Variants in NEGR1 observed in about 807,000 individuals in gnomAD.
NEGR1 encodes the protein neuronal growth regulator 1, also known as IgLON family member 4.
NEGR1 carries 10 observed loss-of-function variants against 40.9 expected under a neutral mutation model. The ratio of observed to expected loss-of-function variants is 0.24; its 90% CI spans 0.15 to 0.42. The LOEUF is 0.42. Ranked by LOEUF, NEGR1 falls within the 10% of genes least tolerant of loss-of-function variation. The pLI, the probability that NEGR1 is intolerant of heterozygous loss-of-function variation, is 1.00. For missense variants in NEGR1, 352 were observed against 438.9 expected (o/e 0.80, Z 1.77); for synonymous variants, 185 against 166.8 (o/e 1.11, Z -0.84).
intron 6 of NEGR1, among the ~76,000 whole-genome samples, chr1:71,473,564 C>A (rs1646797330): frequency 6.6e-6 from 1 of 151,972 alleles, no homozygotes; most frequent in Non-Finnish European, 1.5e-5. Flanking sequence ...TATAACCATG[C>A]CAAAGACCTT....
At chr1:72,042,416 C>T (rs1646964470) in intron 1 of NEGR1, among the ~76,000 whole-genome samples, 2 of 151,830 alleles carry the variant, frequency 1.3e-5, no homozygotes, top group South Asian at 4.2e-4. Context: ...GAGTGCATTT[C>T]CTGCATACAA....
intron 1 of NEGR1, among the ~76,000 whole-genome samples, chr1:72,061,214 T>C (rs1363098966): frequency 3.3e-5 from 5 of 151,698 alleles, no homozygotes; most frequent in African/African-American, 1.2e-4. Flanking sequence ...ACTATAGATG[T>C]AAAAACTGTC....
chr1:71,452,711 A>G (rs1028569772), intron 6 of NEGR1, among the ~76,000 whole-genome samples: 3 of 152,148 alleles, frequency 2.0e-5, no homozygotes, highest in African/African-American at 7.2e-5. Flanking sequence ...TTTCACAGAA[A>G]TAAAAGTAGT....
chr1:71,975,497 T>G (rs1030938840), intron 1 of NEGR1, among the ~76,000 whole-genome samples: 1 of 152,350 alleles, frequency 6.6e-6, no homozygotes, highest in Admixed American at 6.5e-5. Context: ...TCTGACCTAT[T>G]TCTCATGCAA....
rs913083872 is a variant in NEGR1, at chr1:72,259,977, C to T, written c.176+22342G>A. 3.3e-5 allele frequency among the ~76,000 whole-genome samples: 5 copies of T among 151,882 alleles called. No homozygotes were observed. In the East Asian group the frequency reaches 5.8e-4, roughly 18 times the overall value. ...TTATTTTTCTCATTTAAAGTGATTT[C>T]TAAAATAATCAGCTGAAATATAACT... On this transcript the variant is annotated intron_variant, in intron 1 of 6. Coordinates refer to ENST00000357731, the MANE Select transcript of NEGR1 (RefSeq NM_173808.3).
chr1:71,447,793 C>T (rs776660190), intron 6 of NEGR1, among the ~76,000 whole-genome samples: 5 of 152,164 alleles, frequency 3.3e-5, no homozygotes, highest in Non-Finnish European at 5.9e-5. Flanking sequence ...TGAGCTTAAC[C>T]AATTGCCTAG....
intron 4 of NEGR1, among the ~76,000 whole-genome samples, chr1:71,647,351 G>A (rs1395426001): frequency 1.3e-5 from 2 of 151,832 alleles, no homozygotes; most frequent in East Asian, 3.9e-4. Context: ...TTAGAAGTTT[G>A]ATCTGCCAAA....
chr1:72,218,323 T>C (rs1370978499), intron 1 of NEGR1, among the ~76,000 whole-genome samples: 1 of 151,880 alleles, frequency 6.6e-6, no homozygotes, highest in East Asian at 1.9e-4. Context: ...TTTTATAAAA[T>C]CTTTACTTGT....
chr1:72,139,526 T>G (rs80097740), intron 1 of NEGR1, among the ~76,000 whole-genome samples: 155 of 152,192 alleles, frequency 1.0e-3, no homozygotes, highest in African/African-American at 3.5e-3. Context: ...CCAACAAATT[T>G]AACAAGTTTG....
At chr1:71,857,775 C>T (rs1659827634) in intron 2 of NEGR1, among the ~76,000 whole-genome samples, 1 of 151,432 alleles carries the variant, frequency 6.6e-6, no homozygotes, top group South Asian at 2.1e-4. Flanking sequence ...TATATTAATT[C>T]TATTTAGCTT....
At chr1:71,411,963 T>C (rs1460737013) in intron 6 of NEGR1, among the ~76,000 whole-genome samples, 1 of 152,002 alleles carries the variant, frequency 6.6e-6, no homozygotes, top group African/African-American at 2.4e-5. Context: ...ATCGCGCCAC[T>C]GCACTCCAGC....
At position 71,925,452 on chromosome 1, in the gene NEGR1, T is replaced by A. The variant is rs537003469; in HGVS notation, c.409+9627A>T. Among the ~76,000 whole-genome samples the A allele has an allele frequency of 2.6e-5, 4 of 152,340 alleles. No homozygotes were observed. In the South Asian group the frequency reaches 8.3e-4, roughly 32 times the overall value. On this transcript the variant is annotated intron_variant, in intron 2 of 6. Transcript: ENST00000357731. ...GTGGCGAAGTATGGGAAGAGAGATA[T>A]TGGAACATAGCCTCACTCTAATTCT... is the stretch of plus-strand genomic sequence containing the variant.
Position 72,009,007 on chromosome 1 carries a change from A to C in NEGR1, c.177-73696T>G, listed in dbSNP as rs1324068744. Among the ~76,000 whole-genome samples the C allele has an allele frequency of 2.0e-5, 3 of 151,856 alleles. No homozygotes were observed. In the East Asian group the frequency reaches 5.8e-4, roughly 29 times the overall value. ...ACCACCTCTCATCAGTCAAAAAAAA[A>C]AAAGAAAGAAAAGAAAGAAAGAAGG... is the stretch of plus-strand genomic sequence containing the variant. On this transcript the variant is annotated intron_variant, in intron 1 of 6. Transcript: ENST00000357731.
rs1217746522 is a variant in NEGR1 at position 72,198,744 on chromosome 1, T to C, written c.176+83575A>G. ...CTGATAAATGTGGAGAAATTGCGGG[T>C]CAGCAAGAGTAACAGAGAATGACAT... On this transcript the variant is annotated intron_variant, in intron 1 of 6. Transcript: ENST00000357731. Among the ~76,000 whole-genome samples, 10 of 152,054 alleles carry C rather than the reference T, an allele frequency of 6.6e-5. No homozygotes were observed. The East Asian group carries it at 1.7e-3, about 27-fold the overall frequency.
intron 2 of NEGR1, among the ~76,000 whole-genome samples, chr1:71,888,036 C>CACACACA (rs1186646981): frequency 7.0e-6 from 1 of 143,386 alleles, no homozygotes; most frequent in East Asian, 2.0e-4. Flanking sequence ...CACACACACA[C>CACACACA]CTCTAGAATA....
At chr1:71,417,376 AAG>A (rs1646363288) in intron 6 of NEGR1, among the ~76,000 whole-genome samples, 1 of 152,180 alleles carries the variant, frequency 6.6e-6, no homozygotes, top group African/African-American at 2.4e-5. Flanking sequence ...CTGAAGAAAA[AAG>A]AGATAGGAAA....
intron 1 of NEGR1, among the ~76,000 whole-genome samples, chr1:72,036,201 T>G (rs1646900486): frequency 1.3e-5 from 2 of 152,190 alleles, no homozygotes; most frequent in Admixed American, 1.3e-4. Flanking sequence ...TTTACAGCAA[T>G]CTATTTTCCT....
At chr1:71,975,594 G>T (rs1214879630) in intron 1 of NEGR1, among the ~76,000 whole-genome samples, 1 of 152,088 alleles carries the variant, frequency 6.6e-6, no homozygotes, top group African/African-American at 2.4e-5. Flanking sequence ...ATCAACACAG[G>T]CATGAACCAA....
chr1:72,102,531 T>C (rs114238870), intron 1 of NEGR1, among the ~76,000 whole-genome samples: 1,723 of 152,184 alleles, frequency 0.011, 38 homozygotes, highest in African/African-American at 0.039. Flanking sequence ...ACTGGGAAGA[T>C]ACTAAAAACA....
Sources: gnomAD v4.1 joint callset for allele counts (sites outside exome capture counted in the v4.1 genomes callset) on GRCh38, gnomAD v4.1.1 for gene constraint, MANE v1.5 for transcripts, NCBI Gene and HGNC (gene_info 2026-07-23, HGNC 2026-07-21) for gene names.